The following SPEF2 variants were observed in gnomAD, a reference collection of about 807,000 sequenced individuals.
The protein encoded by SPEF2 is sperm flagella and cilia-associated protein 2.
SPEF2 carries 187 observed loss-of-function variants against 224.6 expected under a neutral mutation model. The ratio of observed to expected loss-of-function variants is 0.83; its 90% CI spans 0.74 to 0.94. The LOEUF is 0.94. Among genes scored for constraint, SPEF2 ranks in the 40% least tolerant of loss-of-function variants. The pLI is 0.00. For missense variants in SPEF2, 2,170 were observed against 2,135.6 expected (o/e 1.02, Z -0.32); for synonymous variants, 715 against 707.3 (o/e 1.01, Z -0.17).
intron 2 of SPEF2, among the ~76,000 whole-genome samples, chr5:35,638,943 T>C (rs553832587): frequency 6.6e-6 from 1 of 152,238 alleles, no homozygotes; most frequent in Non-Finnish European, 1.5e-5. Context: ...GTGTTTCAGG[T>C]GTACCAAAGT....
intron 10 of SPEF2, among the ~76,000 whole-genome samples, chr5:35,672,880 C>T (rs1171322932): frequency 6.6e-6 from 1 of 152,052 alleles, no homozygotes; most frequent in Non-Finnish European, 1.5e-5. Context: ...AGCTATTATG[C>T]TTAAAATTTT....
rs113676622 is a variant in SPEF2, at chr5:35,664,518, A to G, written c.1168-2554A>G. ...AACATGGTGAAACCCTGTCTCTACT[A>G]AAAATACAAAAATTAGCCAGGTGTG... On this transcript the variant is annotated intron_variant, in intron 8 of 36. Coordinates refer to ENST00000356031, the MANE Select transcript of SPEF2 (RefSeq NM_024867.4). 7.0e-3 allele frequency among the ~76,000 whole-genome samples: 1,072 copies of G among 152,190 alleles called. 15 individuals are homozygous for G. The highest frequency in any genetic ancestry group is 0.025 in the African/African-American group (1,038 of 41,528).
At chr5:35,650,702 G>C (rs1397331214) in intron 6 of SPEF2, among the ~76,000 whole-genome samples, 1 of 152,118 alleles carries the variant, frequency 6.6e-6, no homozygotes, top group Non-Finnish European at 1.5e-5. Context: ...ATGTCTATTG[G>C]TTAGTGTCCT....
At chr5:35,728,369 A>G (rs1020146685) in intron 21 of SPEF2, among the ~76,000 whole-genome samples, 2 of 152,232 alleles carry the variant, frequency 1.3e-5, no homozygotes, top group African/African-American at 4.8e-5. Flanking sequence ...CGCAAGGCCC[A>G]GTTGCCATCT....
Position 35,814,158 on chromosome 5 carries a change from C to T in SPEF2, c.5380-306C>T, listed in dbSNP as rs575373026. 2.6e-5 allele frequency among the ~76,000 whole-genome samples: 4 copies of T among 152,186 alleles called. No homozygotes were observed. In the South Asian group the frequency reaches 8.3e-4, roughly 32 times the overall value. On this transcript the variant is annotated intron_variant, in intron 36 of 36. Transcript: ENST00000356031. ...CATAAGGAAACAATCTTTTAACTTG[C>T]CCATTCATTATATGCCAGGTTCTGT...
intron 3 of SPEF2, among the ~76,000 whole-genome samples, chr5:35,643,825 C>A (rs1746947908): frequency 6.6e-6 from 1 of 152,096 alleles, no homozygotes; most frequent in Admixed American, 6.6e-5. Context: ...TAGTTACTTT[C>A]ATTATTCCCA....
intron 32 of SPEF2, among the ~76,000 whole-genome samples, chr5:35,795,345 T>C (rs113829640): frequency 7.9e-5 from 12 of 152,334 alleles, no homozygotes; most frequent in African/African-American, 2.9e-4. Flanking sequence ...CTCCGAAATA[T>C]GACTAATGCA....
chr5:35,751,076 TATACACACACACACAC>T (rs1749516231), intron 23 of SPEF2, among the ~76,000 whole-genome samples: 1 of 50,428 alleles, frequency 2.0e-5, no homozygotes, highest in Non-Finnish European at 4.0e-5. Context: ...TGTATATATA[TATACACACACACACAC>T]ACACATATAT....
At chr5:35,672,052 A>G (rs1580206513) in intron 10 of SPEF2, among the ~76,000 whole-genome samples, 1 of 151,808 alleles carries the variant, frequency 6.6e-6, no homozygotes, top group East Asian at 2.0e-4. Context: ...AGTAAAAAAT[A>G]AATGTTTCAA....
chr5:35,618,338 A>G (rs1438916705), intron 1 of SPEF2, among the ~76,000 whole-genome samples: 1 of 152,142 alleles, frequency 6.6e-6, no homozygotes, highest in Non-Finnish European at 1.5e-5. Flanking sequence ...ACCCGCAGGC[A>G]TTCTGACTTT....
chr5:35,773,183 G>A (rs1048793407), intron 27 of SPEF2, among the ~76,000 whole-genome samples: 16 of 151,916 alleles, frequency 1.1e-4, no homozygotes, highest in Non-Finnish European at 1.6e-4. Flanking sequence ...TTCGAGACCA[G>A]CCTAAGCAAC....
intron 33 of SPEF2, 144 bp from the exon 34 acceptor site, chr5:35,799,824 C>A: frequency 5.1e-6 from 4 of 784,374 alleles, no homozygotes; most frequent in Non-Finnish European, 8.2e-6. Context: ...TCAGTTCATA[C>A]CATTCATTAT....
intron 1 of SPEF2, among the ~76,000 whole-genome samples, chr5:35,627,591 G>A (rs113481087): frequency 0.016 from 2,413 of 152,174 alleles, 64 homozygotes; most frequent in African/African-American, 0.055. Flanking sequence ...CAGCCTAGGC[G>A]ACACAGTGAG....
intron 1 of SPEF2, among the ~76,000 whole-genome samples, chr5:35,622,790 A>G (rs77837545): frequency 0.023 from 3,524 of 152,354 alleles, 46 homozygotes; most frequent in Middle Eastern, 0.048. Context: ...CTAGTAGCAG[A>G]AGGCTATTGT....
intron 7 of SPEF2, among the ~76,000 whole-genome samples, chr5:35,655,990 A>G (rs1488945687): frequency 3.3e-5 from 5 of 152,176 alleles, no homozygotes; most frequent in African/African-American, 1.2e-4. Flanking sequence ...TAGTGGCAAT[A>G]GGGATTGAGA....
rs372581440 is a variant in SPEF2, at chr5:35,691,340, A to G, written c.1744+84A>G. 254 of 1,092,732 alleles carry G rather than the reference A, an allele frequency of 2.3e-4. 8 individuals carry two copies. In the South Asian group the frequency reaches 3.7e-3, roughly 16 times the overall value. 67.7% of individuals were successfully genotyped at this position (1,092,732 alleles called of 1,614,324 possible). ...GCAAATGTCTATGTGTATAAAAAACATACAAGAAGCACTGCTGATATGTTG... is the reference window on the plus strand; with the variant it reads ...GCAAATGTCTATGTGTATAAAAAACGTACAAGAAGCACTGCTGATATGTTG... On this transcript the variant is annotated intron_variant, in intron 11 of 36. Coordinates refer to ENST00000356031, the MANE Select transcript of SPEF2 (RefSeq NM_024867.4).
chr5:35,695,511 A>C (rs1373259857), intron 13 of SPEF2, among the ~76,000 whole-genome samples: 1 of 151,792 alleles, frequency 6.6e-6, no homozygotes, highest in African/African-American at 2.4e-5. Flanking sequence ...GGAGGGAGGT[A>C]GGGAGGGAGG....
chr5:35,774,485 C>T (rs573773382), intron 28 of SPEF2, among the ~76,000 whole-genome samples: 122 of 152,138 alleles, frequency 8.0e-4, no homozygotes, highest in African/African-American at 2.8e-3. Context: ...GAAAATGAGT[C>T]CTTGGGAACA....
At chr5:35,672,973 T>A (rs1216871817) in intron 10 of SPEF2, among the ~76,000 whole-genome samples, 3 of 152,188 alleles carry the variant, frequency 2.0e-5, no homozygotes, top group Non-Finnish European at 4.4e-5. Context: ...ATTTGACTCA[T>A]GTCTTAACTT....
Sources: gnomAD v4.1 joint callset for allele counts (sites outside exome capture counted in the v4.1 genomes callset) on GRCh38, gnomAD v4.1.1 for gene constraint, MANE v1.5 for transcripts, NCBI Gene and HGNC (gene_info 2026-07-23, HGNC 2026-07-21) for gene names.